ADGRV1: variants seen among roughly 807,000 people sequenced by gnomAD.
ADGRV1 encodes adhesion G protein-coupled receptor V1.
ADGRV1 carries 359 observed loss-of-function variants against 596.2 expected under a neutral mutation model. That is an observed-to-expected ratio of 0.60 (90% confidence interval 0.55 to 0.66). ADGRV1 has a LOEUF of 0.66. Ranked by LOEUF, ADGRV1 falls within the 30% of genes least tolerant of loss-of-function variation. The pLI, the probability that ADGRV1 is intolerant of heterozygous loss-of-function variation, is 0.00. For synonymous variants in ADGRV1, 2,681 were observed against 2,679.2 expected (o/e 1.00, Z -0.02); for missense variants, 7,274 against 7,575.6 (o/e 0.96, Z 1.48).
intron 9 of ADGRV1, among the ~76,000 whole-genome samples, chr5:90,631,907 ATTTG>A (rs1037856271): frequency 7.9e-5 from 12 of 152,288 alleles, no homozygotes; most frequent in Non-Finnish European, 1.0e-4. Context: ...ACATGACATA[ATTTG>A]TTTGCTTTTA....
At chr5:90,604,864 T>C (rs1761872824) in intron 1 of ADGRV1, among the ~76,000 whole-genome samples, 1 of 152,182 alleles carries the variant, frequency 6.6e-6, no homozygotes, top group East Asian at 1.9e-4. Flanking sequence ...GGATTTAGAT[T>C]AGTGAGATTT....
intron 86 of ADGRV1, among the ~76,000 whole-genome samples, chr5:91,073,991 C>A (rs1788620904): frequency 6.6e-6 from 1 of 152,162 alleles, no homozygotes; most frequent in Non-Finnish European, 1.5e-5. Flanking sequence ...AGCCACCACG[C>A]CCAGCCGAGG....
chr5:90,933,841 T>C (rs1775458884), intron 83 of ADGRV1, among the ~76,000 whole-genome samples: 1 of 152,170 alleles, frequency 6.6e-6, no homozygotes, highest in Non-Finnish European at 1.5e-5. Context: ...TGTTCACAGC[T>C]GAATTGAGCC....
chr5:91,107,724 G>T (rs1159482792), intron 87 of ADGRV1, among the ~76,000 whole-genome samples: 1 of 152,138 alleles, frequency 6.6e-6, no homozygotes, highest in Non-Finnish European at 1.5e-5. Context: ...AGAAATCAGT[G>T]GGATCCAATG....
chr5:90,591,072 T>G lies in ADGRV1; in HGVS notation c.23-23763T>G, dbSNP rs920085893. On this transcript the variant is annotated intron_variant, in intron 1 of 89. Coordinates refer to ENST00000405460, the MANE Select transcript of ADGRV1 (RefSeq NM_032119.4). ...TCAGGGTAAATGGGGTATCATCACC[T>G]CAAGCATTTATCCTTTGTCATAAAA... Among the ~76,000 whole-genome samples the G allele has an allele frequency of 2.6e-5, 4 of 152,176 alleles. No individual in the cohort carries two copies. The East Asian group carries it at 7.7e-4, about 29-fold the overall frequency.
chr5:90,831,914 T>C (rs1329671345), intron 77 of ADGRV1, among the ~76,000 whole-genome samples: 1 of 152,246 alleles, frequency 6.6e-6, no homozygotes, highest in African/African-American at 2.4e-5. Context: ...GATCTCATTC[T>C]TTTTAATGGC....
At chr5:90,801,127 G>T (rs930002397) in intron 70 of ADGRV1, among the ~76,000 whole-genome samples, 2 of 152,142 alleles carry the variant, frequency 1.3e-5, no homozygotes, top group African/African-American at 2.4e-5. Flanking sequence ...TGGTGATGCA[G>T]TCTTGGATTA....
At chr5:90,702,855 T>C (rs2149681755) in intron 34 of ADGRV1, among the ~76,000 whole-genome samples, 1 of 152,094 alleles carries the variant, frequency 6.6e-6, no homozygotes, top group South Asian at 2.1e-4. Flanking sequence ...AATAATAATT[T>C]TTTAGTGATA....
At position 90,753,607 on chromosome 5, in the gene ADGRV1, A is replaced by G; in HGVS notation, c.11155A>G (p.Ile3719Val). 6.2e-7 allele frequency: 1 copy of G among 1,611,926 alleles called. No individual in the cohort carries two copies. The highest frequency in any genetic ancestry group is 8.5e-7 in the Non-Finnish European group (1 of 1,178,158). The change falls in exon 54 of 90, where the codon ATC becomes GTC. Residue 3719 changes from isoleucine to valine, a missense_variant. Transcript: ENST00000405460. ...TACTGAAGGCCAGGTACTGTCAACA[A>G]TCACTCTAACTATTCTTGCTGATAA... Reference protein sequence around the residue: ...LFTEGQVLSTITLTILADNIP... With the variant: ...LFTEGQVLSTVTLTILADNIP...
intron 85 of ADGRV1, among the ~76,000 whole-genome samples, chr5:91,024,006 G>T (rs1434659339): frequency 6.6e-6 from 1 of 152,060 alleles, no homozygotes; most frequent in East Asian, 1.9e-4. Context: ...CTTTTTAAAA[G>T]TAGTACTAAT....
At chr5:90,872,843 G>T (rs576545769) in intron 83 of ADGRV1, among the ~76,000 whole-genome samples, 8 of 152,252 alleles carry the variant, frequency 5.3e-5, no homozygotes, top group African/African-American at 1.7e-4. Context: ...TAATAGCATG[G>T]TCTTCTTGCA....
At chr5:90,774,882 C>T (rs1202851808) in intron 60 of ADGRV1, among the ~76,000 whole-genome samples, 1 of 152,114 alleles carries the variant, frequency 6.6e-6, no homozygotes, top group South Asian at 2.1e-4. Flanking sequence ...TCACACTTTA[C>T]CTTTGTAATA....
chr5:90,887,854 G>A (rs551639835), intron 83 of ADGRV1, among the ~76,000 whole-genome samples: 1 of 152,162 alleles, frequency 6.6e-6, no homozygotes, highest in South Asian at 2.1e-4. Flanking sequence ...TCCTTTAGCT[G>A]TATAATTCAC....
At chr5:90,679,773 T>C (rs1011320621) in intron 26 of ADGRV1, 144 bp downstream of exon 26, 14 of 559,806 alleles carry the variant, frequency 2.5e-5, no homozygotes, top group African/African-American at 9.5e-5. Flanking sequence ...AGAAACTTTA[T>C]GAAGTATGAT....
chr5:90,595,539 A>T (rs1760289040), intron 1 of ADGRV1, among the ~76,000 whole-genome samples: 2 of 125,428 alleles, frequency 1.6e-5, no homozygotes, highest in Admixed American at 1.5e-4. Context: ...CACCTCCTGG[A>T]CGGGGCGGCT....
chr5:90,936,896 G>A (rs542513821), intron 83 of ADGRV1, among the ~76,000 whole-genome samples: 1 of 152,134 alleles, frequency 6.6e-6, no homozygotes, highest in South Asian at 2.1e-4. Flanking sequence ...TGTCTAAAAT[G>A]TCTTTATTTT....
chr5:90,690,158 G>A, intron 30 of ADGRV1, 82 bp downstream of exon 30: 1 of 783,184 alleles, frequency 1.3e-6, no homozygotes. Flanking sequence ...TGGAGACTCA[G>A]AATTGATCTG....
intron 82 of ADGRV1, among the ~76,000 whole-genome samples, chr5:90,858,477 T>C (rs1767242267): frequency 6.8e-6 from 1 of 146,794 alleles, no homozygotes; most frequent in Non-Finnish European, 1.5e-5. Context: ...TCTTGTAATC[T>C]TTTTTTTTTG....
chr5:90,646,402 A>ATT lies in ADGRV1; in HGVS notation c.3022+319_3022+320dup, dbSNP rs5869510. ...TTTTCCCCCTTTCAGATTTCTCGGT[A>ATT]TTTTTTTTTCTTTTGTGCAGAAAAC... On this transcript the variant is annotated intron_variant, in intron 16 of 89. Coordinates refer to ENST00000405460, the MANE Select transcript of ADGRV1 (RefSeq NM_032119.4). 6.0e-5 allele frequency among the ~76,000 whole-genome samples: 9 copies of ATT among 150,774 alleles called. No individual in the cohort carries two copies. In the East Asian group the frequency reaches 9.8e-4, roughly 16 times the overall value.
Sources: allele counts gnomAD v4.1 joint callset (sites outside exome capture counted in the v4.1 genomes callset), GRCh38; gene constraint gnomAD v4.1.1; transcripts MANE v1.5; gene names NCBI Gene and HGNC (gene_info 2026-07-23, HGNC 2026-07-21).